Variants in RMDN1 observed in about 807,000 individuals in gnomAD.
RMDN1 encodes the protein regulator of microtubule dynamics 1, also known as regulator of microtubule dynamics protein 1.
In RMDN1, 48 loss-of-function variants were observed where a neutral mutation model predicts 48.9. The observed-to-expected ratio is 0.98, with a 90% confidence interval of 0.78 to 1.25. The LOEUF (loss-of-function observed/expected upper bound fraction) is 1.25. RMDN1 is among the 50% of genes most tolerant of loss of function. The pLI, the probability that RMDN1 is intolerant of heterozygous loss-of-function variation, is 0.00. For synonymous variants in RMDN1, 148 were observed against 132.6 expected, an observed-to-expected ratio of 1.12 and a Z score of -0.80; for missense variants, 418 against 373.4, an observed-to-expected ratio of 1.12 and a Z score of -0.98.
chr8:86,514,354 G>C (rs931596732), upstream of RMDN1: 4 of 720,988 alleles, frequency 5.5e-6, no homozygotes, highest in African/African-American at 7.7e-5. Context: ...CCTGCGGATG[G>C]GCTGATCCTC....
In RMDN1 at chr8:86,474,887, T is replaced by C; in HGVS notation, c.827A>G (p.Lys276Arg). 6.2e-7 allele frequency: 1 copy of C among 1,613,346 alleles called. No homozygotes were observed. The highest frequency in any genetic ancestry group is 8.5e-7 in the Non-Finnish European group (1 of 1,179,654). Residue 276 changes from lysine to arginine, a missense_variant, in exon 9 of 10, where the codon AAA (lysine) becomes AGA (arginine). Physicochemically the swap from Lys to Arg is conservative, Grantham distance 26. Coordinates refer to ENST00000406452, the MANE Select transcript of RMDN1 (RefSeq NM_016033.3). Reference protein sequence around the residue: ...LGKTYLKLHNKKLAAFWLMKA... With the variant: ...LGKTYLKLHNRKLAAFWLMKA... ...CATTAGCCAGAAAGCAGCAAGCTTT[T>C]TGTTGTGTAGTTTCAAGTATGTCTT...
chr8:86,498,253 A>G (rs1817682801), intron 2 of RMDN1, among the ~76,000 whole-genome samples: 1 of 136,670 alleles, frequency 7.3e-6, no homozygotes, highest in Non-Finnish European at 1.6e-5. Flanking sequence ...AAATTGAATC[A>G]GTAGTAAAAA....
intron 2 of RMDN1, among the ~76,000 whole-genome samples, chr8:86,496,318 C>T (rs1432992523): frequency 1.3e-5 from 2 of 152,162 alleles, no homozygotes; most frequent in Non-Finnish European, 2.9e-5. Flanking sequence ...TGAATGTATA[C>T]AGGCTAAATG....
At chr8:86,505,767 T>C (rs1819224118) in intron 2 of RMDN1, among the ~76,000 whole-genome samples, 1 of 152,200 alleles carries the variant, frequency 6.6e-6, no homozygotes, top group African/African-American at 2.4e-5. Context: ...GCGTGCAATA[T>C]GAAGAATTTA....
chr8:86,505,084 C>T, intron 2 of RMDN1: 2 of 1,394,100 alleles, frequency 1.4e-6, no homozygotes, highest in South Asian at 2.6e-5. Flanking sequence ...CCTCCTTCCA[C>T]CTCCCTCCCA....
chr8:86,502,018 T>C (rs35471529), intron 2 of RMDN1, among the ~76,000 whole-genome samples: 40,236 of 151,868 alleles, frequency 0.26, 6,209 homozygotes, highest in East Asian at 0.54. Flanking sequence ...TAACTAGCAA[T>C]CTTTAGATCA....
intron 6 of RMDN1, among the ~76,000 whole-genome samples, chr8:86,479,825 T>C (rs1814036793): frequency 6.6e-6 from 1 of 152,116 alleles, no homozygotes. Context: ...AACACTTTGA[T>C]AAAGCCTCAT....
downstream of RMDN1, among the ~76,000 whole-genome samples, chr8:86,471,949 A>G (rs1279373623): frequency 6.6e-6 from 1 of 152,206 alleles, no homozygotes; most frequent in Non-Finnish European, 1.5e-5. Flanking sequence ...GCAATGTATA[A>G]TCTTTGGATC....
upstream of RMDN1, among the ~76,000 whole-genome samples, chr8:86,509,467 AAC>A (rs1272149769): frequency 1.3e-5 from 2 of 152,144 alleles, no homozygotes; most frequent in Non-Finnish European, 2.9e-5. Flanking sequence ...GGTGGGTGGA[AAC>A]ACAGACTGCA....
intron 2 of RMDN1, chr8:86,505,518 G>T: frequency 3.2e-6 from 1 of 314,142 alleles, no homozygotes; most frequent in South Asian, 2.7e-5. Context: ...AGCTCTACAA[G>T]GCAAATTAAC....
chr8:86,505,990 T>C (rs1374952663), intron 2 of RMDN1, among the ~76,000 whole-genome samples: 1 of 152,242 alleles, frequency 6.6e-6, no homozygotes, highest in Non-Finnish European at 1.5e-5. Flanking sequence ...TTAACTAATA[T>C]GGGCATTGTA....
At chr8:86,496,949 G>T (rs980173700) in intron 2 of RMDN1, among the ~76,000 whole-genome samples, 9 of 151,672 alleles carry the variant, frequency 5.9e-5, no homozygotes, top group Non-Finnish European at 1.2e-4. Context: ...CACTCTCTCA[G>T]ATCACAGCTC....
chr8:86,479,911 T>C (rs951007234), intron 6 of RMDN1, among the ~76,000 whole-genome samples: 1 of 152,136 alleles, frequency 6.6e-6, no homozygotes, highest in African/African-American at 2.4e-5. Context: ...GATTATATGG[T>C]TCCTCAGATT....
rs184937082 is a variant in RMDN1 at position 86,489,903 on chromosome 8, T to C, written c.248-1264A>G. Among the ~76,000 whole-genome samples the C allele has an allele frequency of 3.3e-5, 5 of 151,668 alleles. No homozygotes were observed. In the East Asian group the frequency reaches 9.6e-4, roughly 29 times the overall value. On this transcript the variant is annotated intron_variant, in intron 2 of 9. Coordinates refer to ENST00000406452, the MANE Select transcript of RMDN1 (RefSeq NM_016033.3). ...AGCAAAAAGAAAAATACAATGAAAT[T>C]TGTGATGCAATCGTGTTTTTAAGTT...
intron 9 of RMDN1, 185 bp downstream of exon 9, chr8:86,474,634 TG>T: frequency 1.3e-6 from 1 of 744,276 alleles, no homozygotes; most frequent in Non-Finnish European, 2.4e-6. Flanking sequence ...AACATCCACC[TG>T]GTGATAGTAA....
At chr8:86,496,218 C>A (rs369753148) in intron 2 of RMDN1, among the ~76,000 whole-genome samples, 1 of 152,308 alleles carries the variant, frequency 6.6e-6, no homozygotes, top group East Asian at 1.9e-4. Context: ...TTCATAGCGA[C>A]ACTGTAAAGC....
chr8:86,501,038 G>A (rs1272119720), intron 2 of RMDN1, among the ~76,000 whole-genome samples: 2 of 152,112 alleles, frequency 1.3e-5, no homozygotes, highest in East Asian at 3.9e-4. Flanking sequence ...AGACGCTGGG[G>A]CCTACTAGAA....
upstream of RMDN1, among the ~76,000 whole-genome samples, chr8:86,512,801 C>T (rs549925509): frequency 1.2e-4 from 19 of 152,282 alleles, no homozygotes; most frequent in African/African-American, 4.3e-4. Context: ...AGGCCAGGCA[C>T]GGTGGCTCAC....
At chr8:86,470,335 G>A (rs1448814907), downstream of RMDN1, 1 of 1,289,308 alleles carries the variant, frequency 7.8e-7, no homozygotes, top group South Asian at 1.2e-5. Flanking sequence ...GATTCCTGGG[G>A]TTTGTTCTCA....
Sources: allele counts gnomAD v4.1 joint callset (sites outside exome capture counted in the v4.1 genomes callset), GRCh38; gene constraint gnomAD v4.1.1; transcripts MANE v1.5; gene names NCBI Gene and HGNC (gene_info 2026-07-23, HGNC 2026-07-21).